The following CSMD3 variants were observed in gnomAD, a reference collection of about 807,000 sequenced individuals.
CSMD3 encodes the protein CUB and sushi domain-containing protein 3.
In CSMD3, 177 loss-of-function variants were observed where a neutral mutation model predicts 435.2. The observed-to-expected ratio is 0.41, with a 90% CI of 0.36 to 0.46. CSMD3 has a LOEUF of 0.46. CSMD3 is among the 20% of genes least tolerant of loss of function. CSMD3 has a pLI of 0.34. For synonymous variants in CSMD3, 1,656 were observed against 1,520.5 expected (o/e 1.09, Z -2.07); for missense variants, 4,265 against 4,504.6 (o/e 0.95, Z 1.52).
intron 47 of CSMD3, among the ~76,000 whole-genome samples, chr8:112,315,560 T>C (rs1014786469): frequency 1.3e-4 from 20 of 151,840 alleles, no homozygotes; most frequent in African/African-American, 4.8e-4. Context: ...AGTAAACCAA[T>C]ATGCACCAAA....
intron 5 of CSMD3, among the ~76,000 whole-genome samples, chr8:113,078,569 C>T (rs928474449): frequency 1.4e-4 from 22 of 152,230 alleles, no homozygotes; most frequent in Admixed American, 1.3e-4. Context: ...TTTATTTGGA[C>T]TTATCTTAGT....
intron 9 of CSMD3, among the ~76,000 whole-genome samples, chr8:112,945,768 A>AC (rs1346317692): frequency 6.6e-6 from 1 of 151,076 alleles, no homozygotes; most frequent in Non-Finnish European, 1.5e-5. Flanking sequence ...TATTTCCTCT[A>AC]CTTCATTCTA....
At chr8:112,730,537 G>C (rs1254646245) in intron 13 of CSMD3, among the ~76,000 whole-genome samples, 1 of 151,938 alleles carries the variant, frequency 6.6e-6, no homozygotes, top group East Asian at 1.9e-4. Context: ...ATTAAGTTTT[G>C]AATATTTACT....
intron 42 of CSMD3, among the ~76,000 whole-genome samples, chr8:112,339,886 A>T (rs1824934469): frequency 1.3e-5 from 2 of 152,208 alleles, no homozygotes; most frequent in Non-Finnish European, 2.9e-5. Flanking sequence ...GATTCACAAC[A>T]TCTCCTCATC....
chr8:112,878,194 C>G (rs1298141357), intron 10 of CSMD3, among the ~76,000 whole-genome samples: 1 of 152,126 alleles, frequency 6.6e-6, no homozygotes, highest in African/African-American at 2.4e-5. Flanking sequence ...TATACAGAAT[C>G]TACAAGGAAC....
At chr8:112,842,507 CAGT>C (rs1182035582) in intron 11 of CSMD3, among the ~76,000 whole-genome samples, 1 of 151,114 alleles carries the variant, frequency 6.6e-6, no homozygotes, top group Non-Finnish European at 1.5e-5. Flanking sequence ...GTAGCAGTTG[CAGT>C]AGTAGTTACA....
chr8:112,481,774 C>T (rs555162092), intron 31 of CSMD3, among the ~76,000 whole-genome samples: 70 of 152,222 alleles, frequency 4.6e-4, no homozygotes, highest in Admixed American at 2.1e-3. Context: ...CAGACAGCTA[C>T]TATTACCAGT....
At chr8:112,295,304 T>C (rs1820155878) in intron 54 of CSMD3, among the ~76,000 whole-genome samples, 1 of 152,080 alleles carries the variant, frequency 6.6e-6, no homozygotes. Context: ...CACATAATCA[T>C]CAGAGGACCT....
intron 32 of CSMD3, among the ~76,000 whole-genome samples, chr8:112,419,010 A>T (rs1206571515): frequency 6.6e-6 from 1 of 152,214 alleles, no homozygotes; most frequent in African/African-American, 2.4e-5. Context: ...TGTATAAGCG[A>T]ACATTTCAAA....
At chr8:112,574,954 A>G (rs144054663) in intron 23 of CSMD3, among the ~76,000 whole-genome samples, 2 of 152,104 alleles carry the variant, frequency 1.3e-5, no homozygotes, top group African/African-American at 4.8e-5. Flanking sequence ...CCATAATTAC[A>G]TTGATGTCAC....
intron 3 of CSMD3, among the ~76,000 whole-genome samples, chr8:113,236,796 G>A (rs1377469856): frequency 2.0e-5 from 3 of 151,886 alleles, no homozygotes; most frequent in Admixed American, 1.3e-4. Context: ...TCTAATAACC[G>A]CCTCTCATCT....
At chr8:112,829,550 G>A in intron 12 of CSMD3, 136 bp downstream of exon 12, 1 of 699,556 alleles carries the variant, frequency 1.4e-6, no homozygotes, top group Non-Finnish European at 2.6e-6. Flanking sequence ...TTCTATGAAA[G>A]TTAACAATAA....
intron 5 of CSMD3, among the ~76,000 whole-genome samples, chr8:113,080,019 C>G (rs1277135611): frequency 6.6e-6 from 1 of 152,078 alleles, no homozygotes; most frequent in Admixed American, 6.6e-5. Flanking sequence ...ATGGCACCTT[C>G]TGCCTCAGTT....
chr8:112,478,075 G>A (rs1003603380), intron 31 of CSMD3, among the ~76,000 whole-genome samples: 9 of 152,220 alleles, frequency 5.9e-5, no homozygotes, highest in East Asian at 3.9e-4. Flanking sequence ...CCCTGCAGCC[G>A]TCCACGTAAA....
chr8:113,059,840 A>C (rs758496700), intron 5 of CSMD3, among the ~76,000 whole-genome samples: 22 of 152,134 alleles, frequency 1.4e-4, no homozygotes, highest in Non-Finnish European at 2.9e-4. Context: ...TTTCCGTTTA[A>C]ACTGCAGGAG....
intron 22 of CSMD3, among the ~76,000 whole-genome samples, chr8:112,606,380 G>T (rs1302205859): frequency 6.6e-6 from 1 of 152,144 alleles, no homozygotes; most frequent in Non-Finnish European, 1.5e-5. Context: ...ACTGGGAGAG[G>T]CTGGAAAGAG....
In CSMD3 at chr8:112,939,588, A is replaced by G. The variant is rs73346094; in HGVS notation, c.1508+8202T>C. ...GATTCCAAATCCCACGCTTTTACAGATGCAATGACATACTTGTTTTGTAAA... is the reference window on the plus strand; with the variant it reads ...GATTCCAAATCCCACGCTTTTACAGGTGCAATGACATACTTGTTTTGTAAA... On this transcript the variant is annotated intron_variant, in intron 9 of 70. Coordinates refer to ENST00000297405, the MANE Select transcript of CSMD3 (RefSeq NM_198123.2). Among the ~76,000 whole-genome samples the G allele has an allele frequency of 4.6e-3, 706 of 152,188 alleles. 3 individuals are homozygous for G. The highest frequency in any genetic ancestry group is 0.016 in the African/African-American group (654 of 41,554).
chr8:112,286,275 C>T (rs1459044256), intron 58 of CSMD3, among the ~76,000 whole-genome samples: 1 of 152,126 alleles, frequency 6.6e-6, no homozygotes, highest in African/African-American at 2.4e-5. Context: ...CTCCCCTTAT[C>T]TACTATTCTT....
intron 52 of CSMD3, among the ~76,000 whole-genome samples, chr8:112,302,489 T>C (rs573908576): frequency 6.6e-6 from 1 of 152,230 alleles, no homozygotes; most frequent in Admixed American, 6.5e-5. Context: ...ATATAATTCA[T>C]CTGTTTTTTC....
Sources: gnomAD v4.1 joint callset for allele counts (sites outside exome capture counted in the v4.1 genomes callset) on GRCh38, gnomAD v4.1.1 for gene constraint, MANE v1.5 for transcripts, NCBI Gene and HGNC (gene_info 2026-07-23, HGNC 2026-07-21) for gene names.